Variants in EHBP1 observed in about 807,000 individuals in gnomAD.
EHBP1 encodes EH domain binding protein 1, also known as EH domain-binding protein 1.
In EHBP1, 55 loss-of-function variants were observed where a neutral mutation model predicts 144.0. The observed-to-expected ratio is 0.38, with a 90% confidence interval of 0.31 to 0.48. The LOEUF (loss-of-function observed/expected upper bound fraction) is 0.48. Among genes scored for constraint, EHBP1 ranks in the 20% least tolerant of loss-of-function variants. EHBP1 has a pLI of 0.98. For missense variants in EHBP1, 1,200 were observed against 1,364.2 expected, an observed-to-expected ratio of 0.88 and a Z score of 1.90; for synonymous variants, 469 against 472.7, an observed-to-expected ratio of 0.99 and a Z score of 0.10.
At chr2:62,727,434 G>GA (rs2036933342) in intron 2 of EHBP1, among the ~76,000 whole-genome samples, 1 of 151,742 alleles carries the variant, frequency 6.6e-6, no homozygotes, top group African/African-American at 2.4e-5. Context: ...ACATTTTTGT[G>GA]AAAAAATCCC....
At position 62,826,370 on chromosome 2, in the gene EHBP1, A is replaced by G. The variant is rs1573553689; in HGVS notation, c.494+102A>G. ...ATAGTTGAACATCTTACAGCATACC[A>G]ATCATTTTTGCCATTCTTTGTTTCA... is the stretch of plus-strand genomic sequence containing the variant. On this transcript the variant is annotated intron_variant, in intron 6 of 22. Coordinates refer to ENST00000431489, the MANE Select transcript of EHBP1 (RefSeq NM_001142616.3). 2.7e-6 allele frequency: 3 copies of G among 1,107,086 alleles called. No homozygotes were observed. The East Asian group carries it at 8.3e-5, about 31-fold the overall frequency. 68.6% of individuals were successfully genotyped at this position (1,107,086 alleles called of 1,614,324 possible). A position where few individuals can be genotyped will look rare whatever the true frequency, so the allele number is the denominator to read the frequency against.
At chr2:62,679,674 G>A (rs2033441575) in intron 1 of EHBP1, among the ~76,000 whole-genome samples, 1 of 152,066 alleles carries the variant, frequency 6.6e-6, no homozygotes, top group South Asian at 2.1e-4. Context: ...AAAGACTTAA[G>A]ACAGACTCTT....
chr2:62,729,311 TATA>T (rs1432284595), intron 2 of EHBP1, among the ~76,000 whole-genome samples: 3 of 129,530 alleles, frequency 2.3e-5, no homozygotes, highest in Non-Finnish European at 3.1e-5. Flanking sequence ...TATAATATAA[TATA>T]ATATTTATAA....
chr2:62,851,920 G>A (rs534909240), intron 7 of EHBP1, among the ~76,000 whole-genome samples: 5 of 152,230 alleles, frequency 3.3e-5, no homozygotes, highest in East Asian at 1.9e-4. Context: ...AGAAATGGCC[G>A]TAAGTGATTT....
At position 62,948,489 on chromosome 2, in the gene EHBP1, A is replaced by T; in HGVS notation, c.1643A>T (p.Lys548Ile). ...TDTNSSVDQEKFYAELSDLKR... is the reference protein window; with the variant it reads ...TDTNSSVDQEIFYAELSDLKR... ...ACAAACAGTTCTGTTGATCAAGAAAAATTCTATGCAGAGCTTAGTGATCTG... is the reference window on the plus strand; with the variant it reads ...ACAAACAGTTCTGTTGATCAAGAAATATTCTATGCAGAGCTTAGTGATCTG... Residue 548 changes from lysine (K) to isoleucine (I), a missense_variant, in exon 13 of 23, where the codon AAA becomes ATA. Transcript: ENST00000431489. The T allele has an allele frequency of 6.2e-7, 1 of 1,613,424 alleles. No homozygotes were observed. The highest frequency in any genetic ancestry group is 8.5e-7 in the Non-Finnish European group (1 of 1,179,508).
chr2:62,893,141 C>T (rs2152920505), intron 10 of EHBP1, among the ~76,000 whole-genome samples: 1 of 152,232 alleles, frequency 6.6e-6, no homozygotes, highest in South Asian at 2.1e-4. Context: ...CCTAAAATGT[C>T]AAGAAGAAGG....
Position 62,764,377 on chromosome 2 carries a change from A to G in EHBP1, c.258+16A>G, listed in dbSNP as rs2041006540. 2 of 1,537,336 alleles carry G rather than the reference A, an allele frequency of 1.3e-6. No individual in the cohort carries two copies. The highest frequency in any genetic ancestry group is 1.8e-6 in the Non-Finnish European group (2 of 1,140,138). On this transcript the variant is annotated intron_variant, in intron 4 of 22. Transcript: ENST00000431489. ...ACTTTTTAAGGTAAGTTCCATTTTT[A>G]TAGGCTATAGAATTTATTATATAAC...
At chr2:62,963,707 T>C (rs2058105717) in intron 14 of EHBP1, among the ~76,000 whole-genome samples, 1 of 152,210 alleles carries the variant, frequency 6.6e-6, no homozygotes, top group African/African-American at 2.4e-5. Context: ...TTATCACTTA[T>C]TAAAAAATCT....
intron 19 of EHBP1, among the ~76,000 whole-genome samples, chr2:63,000,249 T>G (rs1415117231): frequency 1.3e-5 from 2 of 152,184 alleles, no homozygotes; most frequent in Non-Finnish European, 1.5e-5. Flanking sequence ...TGGCAGGAGC[T>G]GGGAAAGGGC....
chr2:62,788,771 A>G (rs1242147330), intron 5 of EHBP1, among the ~76,000 whole-genome samples: 1 of 152,230 alleles, frequency 6.6e-6, no homozygotes, highest in Non-Finnish European at 1.5e-5. Flanking sequence ...ATTTACACCT[A>G]ATAGATCATA....
chr2:62,957,797 C>T (rs2057786657), intron 14 of EHBP1, among the ~76,000 whole-genome samples: 1 of 151,896 alleles, frequency 6.6e-6, no homozygotes, highest in African/African-American at 2.4e-5. Context: ...AGGCGCCCAC[C>T]ACCATGCCTG....
chr2:62,936,983 G>C lies in EHBP1; in HGVS notation c.1186-5735G>C, dbSNP rs185894029. Among the ~76,000 whole-genome samples the C allele has an allele frequency of 1.1e-3, 160 of 152,224 alleles. No individual in the cohort carries two copies. In the South Asian group the frequency reaches 0.012, roughly 11 times the overall value. Reference sequence around the variant, plus strand: ...CTTTAGCAATGTTAGTATATGTCTCGTTACACTGGACTTAATTAGCTCTTG... The same window carrying C: ...CTTTAGCAATGTTAGTATATGTCTCCTTACACTGGACTTAATTAGCTCTTG... On this transcript the variant is annotated intron_variant, in intron 10 of 22. Transcript: ENST00000431489.
intron 19 of EHBP1, among the ~76,000 whole-genome samples, chr2:62,999,181 G>C (rs536343350): frequency 1.3e-4 from 19 of 151,840 alleles, no homozygotes; most frequent in Middle Eastern, 3.2e-3. Context: ...GTGGAGTTAC[G>C]GCTTGAACCC....
intron 7 of EHBP1, among the ~76,000 whole-genome samples, chr2:62,858,181 A>G (rs926966778): frequency 1.3e-5 from 2 of 152,224 alleles, no homozygotes; most frequent in African/African-American, 4.8e-5. Flanking sequence ...TTATGTTACT[A>G]GTATACATTT....
chr2:62,754,379 G>A (rs893387327), intron 3 of EHBP1, among the ~76,000 whole-genome samples: 12 of 152,204 alleles, frequency 7.9e-5, no homozygotes, highest in African/African-American at 1.4e-4. Flanking sequence ...GTACCTGGCC[G>A]TGTGAGGTTT....
chr2:62,932,454 A>G (rs2056076282), intron 10 of EHBP1, among the ~76,000 whole-genome samples: 1 of 152,224 alleles, frequency 6.6e-6, no homozygotes, highest in Non-Finnish European at 1.5e-5. Flanking sequence ...ATAATGCTAA[A>G]TGAAATGAAT....
intron 5 of EHBP1, among the ~76,000 whole-genome samples, chr2:62,817,444 G>T (rs1304092221): frequency 2.0e-5 from 3 of 152,172 alleles, no homozygotes; most frequent in Non-Finnish European, 4.4e-5. Context: ...AAGGAGGCCA[G>T]TATATTGGGG....
chr2:62,949,939 CAG>C (rs1558967455), intron 13 of EHBP1, among the ~76,000 whole-genome samples: 2 of 152,122 alleles, frequency 1.3e-5, no homozygotes, highest in Non-Finnish European at 2.9e-5. Context: ...TCCTATCACT[CAG>C]AATTTTTATA....
intron 1 of EHBP1, among the ~76,000 whole-genome samples, chr2:62,692,749 T>C (rs187019121): frequency 2.3e-4 from 35 of 152,206 alleles, no homozygotes; most frequent in African/African-American, 7.9e-4. Flanking sequence ...TTTTTTTTAA[T>C]TTTTGTGGGC....
Sources: gnomAD v4.1 joint callset for allele counts (sites outside exome capture counted in the v4.1 genomes callset) on GRCh38, gnomAD v4.1.1 for gene constraint, MANE v1.5 for transcripts, NCBI Gene and HGNC (gene_info 2026-07-23, HGNC 2026-07-21) for gene names.